HGD: variants seen among roughly 807,000 people sequenced by gnomAD.
The protein encoded by HGD is homogentisate oxidase.
In HGD, 61 loss-of-function variants were observed where a neutral mutation model predicts 60.8. The ratio of observed to expected loss-of-function variants is 1.00; its 90% CI spans 0.82 to 1.24. HGD has a LOEUF of 1.24. Ranked by LOEUF, HGD falls within the 50% of genes most tolerant of loss-of-function variation. The pLI, the probability that HGD is intolerant of heterozygous loss-of-function variation, is 0.00. For synonymous variants in HGD, 212 were observed against 187.7 expected (o/e 1.13, Z -1.06); for missense variants, 542 against 547.1 (o/e 0.99, Z 0.09).
intron 4 of HGD, among the ~76,000 whole-genome samples, chr3:120,655,662 G>A (rs1408799355): frequency 6.6e-6 from 1 of 152,192 alleles, no homozygotes; most frequent in Non-Finnish European, 1.5e-5. Context: ...AGTCCATGGA[G>A]TGCATGGTAC....
At chr3:120,646,917 T>G in intron 8 of HGD, 56 bp downstream of exon 8, 1 of 1,358,766 alleles carries the variant, frequency 7.4e-7, no homozygotes, top group Non-Finnish European at 1.1e-6. Context: ...AGCTGAAACA[T>G]CTGACTGCTC....
At chr3:120,673,038 T>C (rs1317820603) in intron 3 of HGD, among the ~76,000 whole-genome samples, 1 of 152,052 alleles carries the variant, frequency 6.6e-6, no homozygotes, top group Admixed American at 6.6e-5. Context: ...TTCAGATGAG[T>C]AGTAACTAAG....
intron 11 of HGD, 77 bp from the exon 12 acceptor site, chr3:120,638,658 A>G (rs574281428): frequency 1.1e-5 from 17 of 1,535,980 alleles, no homozygotes; most frequent in Non-Finnish European, 1.5e-5. Flanking sequence ...TCATGCATAC[A>G]TGAAGGTGTT....
chr3:120,643,487 A>G (rs1380839080), intron 10 of HGD, among the ~76,000 whole-genome samples: 1 of 152,212 alleles, frequency 6.6e-6, no homozygotes, highest in East Asian at 1.9e-4. Flanking sequence ...CCGAATTTTG[A>G]GAGACCTTGA....
At chr3:120,652,450 C>A in intron 5 of HGD, 142 bp downstream of exon 5, 1 of 685,772 alleles carries the variant, frequency 1.5e-6, no homozygotes, top group South Asian at 1.6e-5. Flanking sequence ...CTCCGCCAGC[C>A]CCCAAAGCAT....
chr3:120,668,825 A>G (rs1355880729), intron 4 of HGD, among the ~76,000 whole-genome samples: 1 of 152,156 alleles, frequency 6.6e-6, no homozygotes, highest in Admixed American at 6.5e-5. Flanking sequence ...CAGGGATGCA[A>G]ACCCAGGTCT....
At chr3:120,674,853 G>T in intron 3 of HGD, 48 bp downstream of exon 3, 1 of 1,301,226 alleles carries the variant, frequency 7.7e-7, no homozygotes, top group Non-Finnish European at 1.1e-6. Context: ...CAAAGTCCCT[G>T]TCATAGTACC....
chr3:120,647,507 A>G (rs942264627), intron 7 of HGD, among the ~76,000 whole-genome samples: 4 of 152,216 alleles, frequency 2.6e-5, no homozygotes, highest in African/African-American at 9.6e-5. Context: ...GAAAATTTGA[A>G]TTTAAATTGC....
intron 1 of HGD, among the ~76,000 whole-genome samples, chr3:120,680,490 C>A (rs1708212093): frequency 6.6e-6 from 1 of 152,170 alleles, no homozygotes; most frequent in South Asian, 2.1e-4. Flanking sequence ...TAATAAGTTG[C>A]TTAAACATGA....
At chr3:120,676,980 T>A (rs1708143499) in intron 1 of HGD, among the ~76,000 whole-genome samples, 1 of 152,218 alleles carries the variant, frequency 6.6e-6, no homozygotes, top group Admixed American at 6.5e-5. Context: ...TTGTAATTTC[T>A]TATGCCTGTC....
chr3:120,638,621 G>T (rs760479765), intron 11 of HGD, 40 bp from the exon 12 acceptor site: 1 of 1,611,646 alleles, frequency 6.2e-7, no homozygotes, highest in Non-Finnish European at 8.5e-7. Context: ...ATGATGCAAG[G>T]GAAGTGACTG....
At chr3:120,644,608 G>C in intron 9 of HGD, 165 bp from the exon 10 acceptor site, 1 of 1,534,716 alleles carries the variant, frequency 6.5e-7, no homozygotes, top group Non-Finnish European at 8.7e-7. Context: ...CTTTTAGGAA[G>C]ACCCAAGGAA....
chr3:120,650,175 A>G (rs939191322), intron 6 of HGD, among the ~76,000 whole-genome samples: 1 of 152,230 alleles, frequency 6.6e-6, no homozygotes, highest in Non-Finnish European at 1.5e-5. Context: ...TCAACCTGCA[A>G]CTACAGAGTT....
chr3:120,679,082 T>C (rs1708185453), intron 1 of HGD, among the ~76,000 whole-genome samples: 1 of 152,268 alleles, frequency 6.6e-6, no homozygotes, highest in African/African-American at 2.4e-5. Flanking sequence ...GAGAGAATTA[T>C]ATGCATACTT....
At chr3:120,648,764 A>C (rs923076937) in intron 6 of HGD, among the ~76,000 whole-genome samples, 2 of 152,238 alleles carry the variant, frequency 1.3e-5, no homozygotes, top group African/African-American at 4.8e-5. Flanking sequence ...ACATGTTCTC[A>C]GGATCTCCTG....
chr3:120,656,607 A>T (rs1941504982), intron 4 of HGD, among the ~76,000 whole-genome samples: 1 of 151,860 alleles, frequency 6.6e-6, no homozygotes, highest in South Asian at 2.1e-4. Context: ...GCTGGAGTGC[A>T]GTGGCGCGAT....
chr3:120,663,719 G>T (rs1047414849), intron 4 of HGD, among the ~76,000 whole-genome samples: 1 of 152,034 alleles, frequency 6.6e-6, no homozygotes, highest in South Asian at 2.1e-4. Flanking sequence ...TATATTTAGC[G>T]TGGATTTACT....
Position 120,644,306 on chromosome 3 carries a change from C to A in HGD, c.774+13G>T, listed in dbSNP as rs1197581364. On this transcript the variant is annotated intron_variant, in intron 10 of 13. Transcript: ENST00000283871. The stretch of plus-strand genomic sequence containing the variant: ...TTCATTTCCTCCCTTGCCTGCCAAC[C>A]CTTTTACTTTACCTGTTTGGCAGCA... The A allele has an allele frequency of 1.2e-6, 2 of 1,613,880 alleles. No individual in the cohort carries two copies. Among genetic ancestry groups the A allele is most frequent in the East Asian group, 2.2e-5 (1 of 44,880 alleles).
intron 3 of HGD, 95 bp from the exon 4 acceptor site, chr3:120,670,627 A>G: frequency 1.3e-6 from 1 of 789,136 alleles, no homozygotes; most frequent in South Asian, 1.4e-5. Context: ...AAGACACTCA[A>G]GTCAACAACG....
Sources: gnomAD v4.1 joint callset for allele counts (sites outside exome capture counted in the v4.1 genomes callset) on GRCh38, gnomAD v4.1.1 for gene constraint, MANE v1.5 for transcripts, NCBI Gene and HGNC (gene_info 2026-07-23, HGNC 2026-07-21) for gene names.